Variants in GALNT5 observed in about 807,000 individuals in gnomAD.
The protein encoded by GALNT5 is polypeptide N-acetylgalactosaminyltransferase 5.
A neutral mutation model predicts 85.4 loss-of-function variants in GALNT5; 72 were observed. The ratio of observed to expected loss-of-function variants is 0.84; its 90% confidence interval spans 0.70 to 1.03. The LOEUF (loss-of-function observed/expected upper bound fraction) is 1.03, where lower values mean the gene tolerates loss of function less well. Among genes scored for constraint, GALNT5 ranks in the 50% least tolerant of loss-of-function variants. The probability of loss-of-function intolerance (pLI) is 0.00; values close to 1 mark genes in which losing one functional copy is unlikely to be tolerated. For synonymous variants in GALNT5, 404 were observed against 397.0 expected (o/e 1.02, Z -0.21); for missense variants, 1,137 against 1,135.5 (o/e 1.00, Z -0.02).
At chr2:157,287,998 G>A (rs909438505) in intron 3 of GALNT5, among the ~76,000 whole-genome samples, 1 of 152,128 alleles carries the variant, frequency 6.6e-6, no homozygotes, top group Non-Finnish European at 1.5e-5. Flanking sequence ...TCTAGCCAGT[G>A]GTAAATCCAA....
chr2:157,261,933 G>A (rs778108993), intron 1 of GALNT5, among the ~76,000 whole-genome samples: 1 of 151,902 alleles, frequency 6.6e-6, no homozygotes, highest in Admixed American at 6.6e-5. Flanking sequence ...ATAAGTTTTC[G>A]AAGTCAGCAT....
intron 8 of GALNT5, among the ~76,000 whole-genome samples, chr2:157,306,463 G>A (rs879815744): frequency 1.2e-4 from 18 of 152,182 alleles, no homozygotes; most frequent in Non-Finnish European, 1.9e-4. Flanking sequence ...AGTCGGGCCA[G>A]GAAGCAGGGA....
intron 9 of GALNT5, among the ~76,000 whole-genome samples, chr2:157,309,492 A>ATTG (rs1683523952): frequency 6.6e-6 from 1 of 152,088 alleles, no homozygotes; most frequent in Non-Finnish European, 1.5e-5. Flanking sequence ...TTGGTGTAGG[A>ATTG]GCTTGGGATT....
In GALNT5 at chr2:157,286,018, A is replaced by C; in HGVS notation, c.1625A>C (p.Tyr542Ser). ...LLVDDFSTKD[Y>S]LKDNLDKYMS... ...GTTTATCTTTACTCTGATGTAGACT[A>C]TCTAAAAGATAATTTGGATAAATAC... Residue 542 changes from tyrosine (Y) to serine (S), a missense_variant, in exon 3 of 10, where the codon TAT becomes TCT. Transcript: ENST00000259056. The C allele has an allele frequency of 2.5e-6, 4 of 1,596,234 alleles. No individual in the cohort carries two copies. Among genetic ancestry groups the C allele is most frequent in the Non-Finnish European group, 3.4e-6 (4 of 1,163,974 alleles).
At chr2:157,277,108 C>T (rs1476672733) in intron 1 of GALNT5, among the ~76,000 whole-genome samples, 1 of 152,152 alleles carries the variant, frequency 6.6e-6, no homozygotes, top group African/African-American at 2.4e-5. Flanking sequence ...GCAGGTTGTT[C>T]AGTCTCCATG....
intron 1 of GALNT5, among the ~76,000 whole-genome samples, chr2:157,266,010 A>G (rs1322892010): frequency 1.3e-5 from 2 of 152,236 alleles, no homozygotes; most frequent in Admixed American, 6.5e-5. Flanking sequence ...GGTAGATACT[A>G]TCATCATCCC....
chr2:157,281,808 C>T (rs901447528), intron 1 of GALNT5, among the ~76,000 whole-genome samples: 1 of 152,078 alleles, frequency 6.6e-6, no homozygotes, highest in Non-Finnish European at 1.5e-5. Flanking sequence ...TTAACTGTGT[C>T]CTATAGTCAT....
intron 1 of GALNT5, among the ~76,000 whole-genome samples, chr2:157,261,586 A>G (rs1574009182): frequency 6.6e-6 from 1 of 152,320 alleles, no homozygotes; most frequent in East Asian, 1.9e-4. Flanking sequence ...GGCGGATGCT[A>G]CGCTCCACTC....
At position 157,295,705 on chromosome 2, in the gene GALNT5, T is replaced by C. The variant is rs1683198767; in HGVS notation, c.1784T>C (p.Val595Ala). The change falls in exon 4 of 10, where the codon GTT becomes GCT. Residue 595 changes from valine to alanine, a missense_variant. Transcript: ENST00000259056. ...TFLDSHVECN[V>A]GWLEPLLERV... ...TTAGATTCTCATGTGGAATGTAACG[T>C]TGGTTGGTTGGAACCTCTTCTGGAA... 6.2e-7 allele frequency: 1 copy of C among 1,612,440 alleles called. No homozygotes were observed. Among genetic ancestry groups the C allele is most frequent in the Non-Finnish European group, 8.5e-7 (1 of 1,178,620 alleles).
intron 8 of GALNT5, among the ~76,000 whole-genome samples, chr2:157,306,748 C>T (rs955568637): frequency 6.6e-6 from 1 of 152,120 alleles, no homozygotes; most frequent in Non-Finnish European, 1.5e-5. Flanking sequence ...TTTGGTGCAT[C>T]CCATCTCTAC....
rs961784683 is a variant in GALNT5 at position 157,258,627 on chromosome 2, T to C, written c.545T>C (p.Val182Ala). 6.2e-7 allele frequency: 1 copy of C among 1,613,386 alleles called. No individual in the cohort carries two copies. Among genetic ancestry groups the C allele is most frequent in the Non-Finnish European group, 8.5e-7 (1 of 1,179,878 alleles). Residue 182 changes from valine to alanine, a missense_variant, in exon 1 of 10, where the codon GTC (valine) becomes GCC (alanine). Transcript: ENST00000259056. ...SFIAAKGTQV[V>A]KISVHMGRVS... ...ATAGCAGCAAAAGGAACTCAGGTAG[T>C]CAAAATATCAGTACACATGGGACGT... is the stretch of plus-strand genomic sequence containing the variant.
At chr2:157,271,471 G>C (rs1246688061) in intron 1 of GALNT5, among the ~76,000 whole-genome samples, 1 of 152,224 alleles carries the variant, frequency 6.6e-6, no homozygotes, top group African/African-American at 2.4e-5. Flanking sequence ...GGAGACTCCA[G>C]CAATAATCCT....
intron 3 of GALNT5, among the ~76,000 whole-genome samples, chr2:157,291,087 C>G (rs534448846): frequency 2.6e-5 from 4 of 152,184 alleles, no homozygotes; most frequent in South Asian, 2.1e-4. Context: ...ATGAAGCCAA[C>G]AGAATTAAAA....
rs199665735 is a variant in GALNT5, at chr2:157,314,208, C to CTT, written c.*2862_*2863dup. The stretch of plus-strand genomic sequence containing the variant: ...GGATTAGCTTAGGTCATTGCCTTTA[C>CTT]TTTAAAAAAAAAAAAAAAAAGTCTA... On this transcript the variant is annotated 3_prime_UTR_variant, in exon 10 of 10. Transcript: ENST00000259056. The CTT allele has an allele frequency of 2.1e-5, 3 of 141,514 alleles. No homozygotes were observed. Among genetic ancestry groups the CTT allele is most frequent in the African/African-American group, 8.2e-5 (3 of 36,582 alleles). The allele number at this position is 141,514 out of a possible 1,614,324, so 8.8% of individuals were successfully genotyped here. A position where few individuals can be genotyped will look rare whatever the true frequency, so the allele number is the denominator to read the frequency against.
rs572924171 is a variant in GALNT5 at position 157,260,839 on chromosome 2, T to C, written c.1454+1303T>C. On this transcript the variant is annotated intron_variant, in intron 1 of 9. Coordinates refer to ENST00000259056, the MANE Select transcript of GALNT5 (RefSeq NM_014568.3). ...CAGCAAACAGCTATCAGCCATGCAC[T>C]GCTTATACCAAGCACTGTGCCATTC... Among the ~76,000 whole-genome samples the C allele has an allele frequency of 5.3e-5, 8 of 152,270 alleles. No individual in the cohort carries two copies. The South Asian group carries it at 8.3e-4, about 16-fold the overall frequency.
intron 6 of GALNT5, 102 bp from the exon 7 acceptor site, chr2:157,300,574 A>T: frequency 2.3e-6 from 2 of 853,584 alleles, no homozygotes; most frequent in South Asian, 1.6e-5. Context: ...GTTGAGTATT[A>T]CTTCAGGTAG....
intron 1 of GALNT5, among the ~76,000 whole-genome samples, chr2:157,262,496 A>C (rs1479373925): frequency 6.7e-6 from 1 of 148,168 alleles, no homozygotes; most frequent in Non-Finnish European, 1.5e-5. Flanking sequence ...AAATTACCCA[A>C]GGGTGGTGGT....
At position 157,294,572 on chromosome 2, in the gene GALNT5, A is replaced by G. The variant is rs527334183; in HGVS notation, c.1742-1091A>G. Among the ~76,000 whole-genome samples the G allele has an allele frequency of 8.5e-5, 13 of 152,280 alleles. No homozygotes were observed. The South Asian group carries it at 2.7e-3, about 32-fold the overall frequency. ...AAGAGCAAGTGCTGCAGCCGAGTGG[A>G]GGGTCTGAGACCTGGACCGCAACTC... is the stretch of plus-strand genomic sequence containing the variant. On this transcript the variant is annotated intron_variant, in intron 3 of 9. Transcript: ENST00000259056.
chr2:157,295,869 A>G, intron 4 of GALNT5, 71 bp downstream of exon 4: 1 of 1,047,464 alleles, frequency 9.5e-7, no homozygotes, highest in Non-Finnish European at 1.4e-6. Flanking sequence ...AGTGCTGAGT[A>G]TATGCCTAAT....
Sources: gnomAD v4.1 joint callset for allele counts (sites outside exome capture counted in the v4.1 genomes callset) on GRCh38, gnomAD v4.1.1 for gene constraint, MANE v1.5 for transcripts, NCBI Gene and HGNC (gene_info 2026-07-23, HGNC 2026-07-21) for gene names.